The following BCAS3 variants were observed in gnomAD, a reference collection of about 807,000 sequenced individuals.
BCAS3 encodes the protein BCAS3 microtubule associated cell migration factor.
A neutral mutation model predicts 116.1 loss-of-function variants in BCAS3; 53 were observed. The observed-to-expected ratio is 0.46, with a 90% confidence interval of 0.37 to 0.57. BCAS3 has a LOEUF of 0.57. Ranked by LOEUF, BCAS3 falls within the 20% of genes least tolerant of loss-of-function variation. The pLI, the probability that BCAS3 is intolerant of heterozygous loss-of-function variation, is 0.00. For synonymous variants in BCAS3, 391 were observed against 408.2 expected (o/e 0.96, Z 0.51); for missense variants, 917 against 1,165.4 (o/e 0.79, Z 3.10).
chr17:60,869,390 C>G (rs1407957594), intron 8 of BCAS3, among the ~76,000 whole-genome samples: 2 of 152,076 alleles, frequency 1.3e-5, no homozygotes, highest in African/African-American at 4.8e-5. Flanking sequence ...TTACATGCCT[C>G]GTATAAATCT....
chr17:60,787,943 TA>T (rs924790571), intron 6 of BCAS3, among the ~76,000 whole-genome samples: 4 of 148,898 alleles, frequency 2.7e-5, no homozygotes, highest in Non-Finnish European at 1.5e-5. Context: ...CTAGAAAAGT[TA>T]AAAAAAAAGA....
chr17:60,700,463 G>A (rs1187033269), intron 4 of BCAS3, among the ~76,000 whole-genome samples: 3 of 152,220 alleles, frequency 2.0e-5, no homozygotes, highest in African/African-American at 7.2e-5. Flanking sequence ...TGATCTTTGA[G>A]TGGAGTTTGC....
chr17:60,767,986 A>G (rs8081959), intron 6 of BCAS3, among the ~76,000 whole-genome samples: 41,888 of 151,774 alleles, frequency 0.28, 11,411 homozygotes, highest in African/African-American at 0.72. Flanking sequence ...ATTTTGTAGG[A>G]ACAGGATCTC....
At position 60,967,947 on chromosome 17, in the gene BCAS3, T is replaced by TG. The variant is rs1466670636; in HGVS notation, c.1221+20596dup. Among the ~76,000 whole-genome samples, 13 of 146,698 alleles carry TG rather than the reference T, an allele frequency of 8.9e-5. No homozygotes were observed. The highest frequency in any genetic ancestry group is 1.7e-4 in the African/African-American group (6 of 36,078). On this transcript the variant is annotated intron_variant, in intron 14 of 23. Transcript: ENST00000407086. The surrounding 1 kb of genome is among the most constrained non-coding windows in gnomAD (Gnocchi z 4.7). Reference sequence around the variant, plus strand: ...TAAATTTCTGAATTGCTTTTCTGTGTGTTTGTTGTTGTTGTTGTTGTTGTT... The same window carrying TG: ...TAAATTTCTGAATTGCTTTTCTGTGTGGTTTGTTGTTGTTGTTGTTGTTGTT...
rs996937621 is a variant in BCAS3 at position 61,362,299 on chromosome 17, C to T, written c.2426-6028C>T. On this transcript the variant is annotated intron_variant, in intron 22 of 23. Coordinates refer to ENST00000407086, the MANE Select transcript of BCAS3 (RefSeq NM_017679.5). This position sits in a 1 kb window ranked among gnomAD's most constrained non-coding sequence, Gnocchi z 4.4. The stretch of plus-strand genomic sequence containing the variant: ...TAGACGTCATCATCACAACCTCTCA[C>T]CAAGGAGGGCTTACATCTTGCAAAG... Among the ~76,000 whole-genome samples the T allele has an allele frequency of 1.3e-5, 2 of 152,222 alleles. No homozygotes were observed. The highest frequency in any genetic ancestry group is 2.4e-5 in the African/African-American group (1 of 41,452).
intron 19 of BCAS3, among the ~76,000 whole-genome samples, chr17:61,067,726 CAAAAAAAA>C (rs377228440): frequency 9.2e-6 from 1 of 108,992 alleles, no homozygotes; most frequent in Non-Finnish European, 1.9e-5. Context: ...AACAAACAAA[CAAAAAAAA>C]AAAAAAATAT....
chr17:61,220,901 C>A lies in BCAS3; in HGVS notation c.2425+136337C>A, dbSNP rs1400562112. Among the ~76,000 whole-genome samples the A allele has an allele frequency of 6.6e-6, 1 of 152,106 alleles. No homozygotes were observed. Among genetic ancestry groups the A allele is most frequent in the Non-Finnish European group, 1.5e-5 (1 of 68,014 alleles). ...GGATCACGAGGTCAGGAGATCGAGACCATCCTGGCCAACACGGTGAAACCC... is the reference window on the plus strand; with the variant it reads ...GGATCACGAGGTCAGGAGATCGAGAACATCCTGGCCAACACGGTGAAACCC... On this transcript the variant is annotated intron_variant, in intron 22 of 23. Transcript: ENST00000407086. The surrounding 1 kb of genome is among the most constrained non-coding windows in gnomAD (Gnocchi z 4.5).
Position 61,346,220 on chromosome 17 carries a change from G to C in BCAS3, c.2426-22107G>C, listed in dbSNP as rs1419922311. On this transcript the variant is annotated intron_variant, in intron 22 of 23. Transcript: ENST00000407086. This position sits in a 1 kb window ranked among gnomAD's most constrained non-coding sequence, Gnocchi z 5.4. ...GAGCTCTGAGCTTCTCTCCTGACTGGAAGATCATTTCTTTGGAAGAGGTGA... is the reference window on the plus strand; with the variant it reads ...GAGCTCTGAGCTTCTCTCCTGACTGCAAGATCATTTCTTTGGAAGAGGTGA... Among the ~76,000 whole-genome samples the C allele has an allele frequency of 2.0e-5, 3 of 152,192 alleles. No individual in the cohort carries two copies. The highest frequency in any genetic ancestry group is 4.4e-5 in the Non-Finnish European group (3 of 68,030).
chr17:60,889,099 CTG>C (rs1700540797), intron 9 of BCAS3, among the ~76,000 whole-genome samples: 1 of 152,124 alleles, frequency 6.6e-6, no homozygotes, highest in African/African-American at 2.4e-5. Context: ...GAACAATTAA[CTG>C]TTGTTATTGG....
intron 22 of BCAS3, among the ~76,000 whole-genome samples, chr17:61,304,879 G>T (rs2053723806): frequency 6.6e-6 from 1 of 151,816 alleles, no homozygotes; most frequent in Non-Finnish European, 1.5e-5. Flanking sequence ...TCAGCCTCCT[G>T]AGTAGCTGGG....
rs1485798891 is a variant in BCAS3 at position 60,962,490 on chromosome 17, GA to G, written c.1221+15141del. 2.0e-5 allele frequency among the ~76,000 whole-genome samples: 3 copies of G among 152,062 alleles called. No homozygotes were observed. Among genetic ancestry groups the G allele is most frequent in the African/African-American group, 7.2e-5 (3 of 41,424 alleles). ...TGGCCATTTGCATGTCTTCTTTTGA[GA>G]AATGTGTGTTCAGGTCTTTTGCCCA... On this transcript the variant is annotated intron_variant, in intron 14 of 23. Transcript: ENST00000407086. This position sits in a 1 kb window ranked among gnomAD's most constrained non-coding sequence, Gnocchi z 4.4.
At chr17:61,328,241 G>A (rs1445418393) in intron 22 of BCAS3, among the ~76,000 whole-genome samples, 3 of 151,974 alleles carry the variant, frequency 2.0e-5, no homozygotes, top group Non-Finnish European at 4.4e-5. Context: ...TATAGAGAAA[G>A]AAAAAACTAG....
chr17:60,909,387 A>T (rs528414613), intron 11 of BCAS3, among the ~76,000 whole-genome samples: 1 of 152,208 alleles, frequency 6.6e-6, no homozygotes, highest in African/African-American at 2.4e-5. Flanking sequence ...TAGCCATAGC[A>T]TGTGCCAGAA....
At chr17:61,149,308 G>GTACATAT (rs2077415762) in intron 22 of BCAS3, among the ~76,000 whole-genome samples, 1 of 151,892 alleles carries the variant, frequency 6.6e-6, no homozygotes, top group African/African-American at 2.4e-5. Flanking sequence ...GTAAAAAGCT[G>GTACATAT]GTTCCATAGC....
At position 61,381,416 on chromosome 17, in the gene BCAS3, CTG is replaced by C. The variant is rs2059598453; in HGVS notation, c.2594-10558_2594-10557del. On this transcript the variant is annotated intron_variant, in intron 23 of 23. Transcript: ENST00000407086. This position sits in a 1 kb window ranked among gnomAD's most constrained non-coding sequence, Gnocchi z 6.0. Reference sequence around the variant, plus strand: ...GCGGCACCACCACAATTAGCTGAGACTGTGATCCTTTCCCAGCCGCGGCGTGT... The same window carrying C: ...GCGGCACCACCACAATTAGCTGAGACTGATCCTTTCCCAGCCGCGGCGTGT... 6.6e-6 allele frequency among the ~76,000 whole-genome samples: 1 copy of C among 152,200 alleles called. No homozygotes were observed. The highest frequency in any genetic ancestry group is 3.2e-3 in the Middle Eastern group (1 of 316).
Position 60,808,048 on chromosome 17 carries a change from G to A in BCAS3, c.448G>A (p.Gly150Ser). The A allele has an allele frequency of 6.2e-7, 1 of 1,608,448 alleles. No individual in the cohort carries two copies. The highest frequency in any genetic ancestry group is 8.5e-7 in the Non-Finnish European group (1 of 1,177,054). ...DNFAEKRPLL[G>S]VCKSIGSSGT... The stretch of plus-strand genomic sequence containing the variant: ...CTTTGCTGAAAAAAGACCCCTCCTT[G>A]GTGTTTGTAAGAGCATTGGATCTTC... The change falls in exon 7 of 24, where the codon GGT (glycine) becomes AGT (serine). Residue 150 changes from glycine (G) to serine (S), a missense_variant. Physicochemically the swap from Gly to Ser is moderately conservative, Grantham distance 56. Coordinates refer to ENST00000407086, the MANE Select transcript of BCAS3 (RefSeq NM_017679.5).
At chr17:61,079,814 T>C (rs760395001) in intron 21 of BCAS3, among the ~76,000 whole-genome samples, 3 of 151,768 alleles carry the variant, frequency 2.0e-5, no homozygotes, top group Non-Finnish European at 2.9e-5. Context: ...CAGGCTGGTC[T>C]TGAACTCCTT....
chr17:60,913,408 T>C (rs926564403), intron 12 of BCAS3, among the ~76,000 whole-genome samples: 2 of 152,050 alleles, frequency 1.3e-5, no homozygotes, highest in South Asian at 2.1e-4. Context: ...TTAAAAAATA[T>C]ATATAATTTG....
chr17:61,335,095 C>G (rs961793670), intron 22 of BCAS3, among the ~76,000 whole-genome samples: 9 of 152,228 alleles, frequency 5.9e-5, no homozygotes, highest in Non-Finnish European at 1.0e-4. Context: ...CAGCTTTCAG[C>G]CTGGTGTCAT....
Sources: gnomAD v4.1 joint callset for allele counts (sites outside exome capture counted in the v4.1 genomes callset) on GRCh38, gnomAD v4.1.1 for gene constraint, Gnocchi (gnomAD v3.1) non-coding constraint, MANE v1.5 for transcripts, NCBI Gene and HGNC (gene_info 2026-07-23, HGNC 2026-07-21) for gene names.